Variants in METTL5 observed in about 807,000 individuals in gnomAD.
METTL5 encodes rRNA N(6)-adenosine-methyltransferase METTL5.
A neutral mutation model predicts 26.5 loss-of-function variants in METTL5; 28 were observed. The observed-to-expected ratio is 1.06, with a 90% CI of 0.78 to 1.45. The LOEUF (loss-of-function observed/expected upper bound fraction) is 1.45, where lower values mean the gene tolerates loss of function less well. Among genes scored for constraint, METTL5 ranks in the 40% most tolerant of loss-of-function variants. The pLI is 0.00. For missense variants in METTL5, 231 were observed against 249.9 expected (o/e 0.92, Z 0.51); for synonymous variants, 86 against 82.6 (o/e 1.04, Z -0.22).
chr2:169,822,084 G>A (rs1573973625), intron 1 of METTL5, 27 bp from the exon 2 acceptor site: 2 of 1,430,252 alleles, frequency 1.4e-6, no homozygotes, highest in South Asian at 1.3e-5. Context: ...AAAAGAATAA[G>A]TAAGCAAGCC....
intron 1 of METTL5, among the ~76,000 whole-genome samples, chr2:169,823,885 T>C (rs1395777158): frequency 1.3e-5 from 2 of 152,204 alleles, no homozygotes; most frequent in Non-Finnish European, 2.9e-5. Context: ...AACATAAATA[T>C]ATGTTGTCCT....
intron 6 of METTL5, 109 bp from the exon 7 acceptor site, chr2:169,811,967 T>C: frequency 7.9e-7 from 1 of 1,267,270 alleles, no homozygotes; most frequent in Non-Finnish European, 1.1e-6. Flanking sequence ...GATTCAAATA[T>C]CAAAAGGAAG....
At chr2:169,819,195 C>G (rs1259188756) in intron 4 of METTL5, among the ~76,000 whole-genome samples, 1 of 152,192 alleles carries the variant, frequency 6.6e-6, no homozygotes, top group Non-Finnish European at 1.5e-5. Flanking sequence ...GAAAACCTGG[C>G]CTTACTGCCT....
intron 3 of METTL5, among the ~76,000 whole-genome samples, chr2:169,820,371 T>G (rs1186274394): frequency 6.6e-6 from 1 of 152,248 alleles, no homozygotes; most frequent in Non-Finnish European, 1.5e-5. Context: ...GTAGAAACCC[T>G]TGGGTCTGTT....
chr2:169,820,440 C>T (rs2081568750), intron 3 of METTL5, among the ~76,000 whole-genome samples: 1 of 152,162 alleles, frequency 6.6e-6, no homozygotes, highest in South Asian at 2.1e-4. Flanking sequence ...CGTATTCATT[C>T]ATAAGGGTTA....
intron 3 of METTL5, among the ~76,000 whole-genome samples, chr2:169,820,345 T>G (rs998724460): frequency 2.0e-5 from 3 of 152,220 alleles, no homozygotes; most frequent in African/African-American, 7.2e-5. Flanking sequence ...TGAGTCACTG[T>G]TACTGATGGG....
intron 4 of METTL5, among the ~76,000 whole-genome samples, chr2:169,819,165 G>C (rs1190386594): frequency 1.3e-5 from 2 of 152,126 alleles, no homozygotes; most frequent in African/African-American, 4.8e-5. Flanking sequence ...GATCTGTTTA[G>C]CTCCAGGCTC....
At chr2:169,817,707 T>G (rs1240260540) in intron 4 of METTL5, among the ~76,000 whole-genome samples, 2 of 130,964 alleles carry the variant, frequency 1.5e-5, no homozygotes, top group African/African-American at 3.0e-5. Context: ...TAAGTGGGAG[T>G]TGAACAACGA....
chr2:169,819,678 CT>C (rs2081557911), intron 3 of METTL5, 35 bp from the exon 4 acceptor site: 1 of 1,391,566 alleles, frequency 7.2e-7, no homozygotes, highest in Non-Finnish European at 1.0e-6. Context: ...CTATTTACCT[CT>C]TCTCAAAACA....
chr2:169,821,396 G>T, intron 2 of METTL5, 123 bp from the exon 3 acceptor site: 1 of 688,216 alleles, frequency 1.5e-6, no homozygotes, highest in Non-Finnish European at 2.4e-6. Context: ...AAGTAAGAGT[G>T]AGTGTTTTCT....
At chr2:169,821,634 C>T (rs930493962) in intron 2 of METTL5, among the ~76,000 whole-genome samples, 1 of 152,178 alleles carries the variant, frequency 6.6e-6, no homozygotes, top group African/African-American at 2.4e-5. Context: ...AATCTGTCCA[C>T]CTTGGCCTCC....
chr2:169,812,275 T>A (rs937214520), intron 6 of METTL5, 182 bp downstream of exon 6: 7 of 932,518 alleles, frequency 7.5e-6, no homozygotes, highest in Non-Finnish European at 1.2e-5. Flanking sequence ...AGTCTCACTC[T>A]TATCGCGCAG....
At chr2:169,811,915 A>C (rs1573964552) in intron 6 of METTL5, 57 bp from the exon 7 acceptor site, 2 of 1,562,306 alleles carry the variant, frequency 1.3e-6, no homozygotes, top group African/African-American at 2.7e-5. Flanking sequence ...TATGCAAATG[A>C]GATTTCTTTG....
At chr2:169,824,232 G>T in intron 1 of METTL5, 1 of 359,922 alleles carries the variant, frequency 2.8e-6, no homozygotes, top group Non-Finnish European at 5.1e-6. Context: ...AATGTGAGAA[G>T]AGAAAAAAAC....
Position 169,821,977 on chromosome 2 carries a change from C to T in METTL5, c.190G>A (p.Val64Ile), listed in dbSNP as rs1387057357. 2.5e-6 allele frequency: 4 copies of T among 1,613,458 alleles called. No individual in the cohort carries two copies. The highest frequency in any genetic ancestry group is 3.4e-6 in the Non-Finnish European group (4 of 1,179,998). The change falls in exon 2 of 7, where the codon GTA becomes ATA. Residue 64 changes from valine (V) to isoleucine (I), a missense_variant. Val to Ile is a conservative substitution (Grantham distance 29). Transcript: ENST00000260953. Reference protein sequence around the residue: ...VVADLGCGCGVLSIGTAMLGA... With the variant: ...VVADLGCGCGILSIGTAMLGA... ...AACATTGCAGTTCCGATGCTAAGTA[C>T]TCCACAACCACATCCTAGATCTGCA...
Position 169,822,073 on chromosome 2 carries a change from A to C in METTL5, c.110-16T>G. The C allele has an allele frequency of 1.9e-6, 3 of 1,581,546 alleles. No homozygotes were observed. The highest frequency in any genetic ancestry group is 2.6e-6 in the Non-Finnish European group (3 of 1,173,106). On this transcript the variant is annotated splice_polypyrimidine_tract_variant and intron_variant, in intron 1 of 6. Coordinates refer to ENST00000260953, the MANE Select transcript of METTL5 (RefSeq NM_014168.4). ...AGCATACATGCTAAAAAATAAAAAA[A>C]AAAAGAATAAGTAAGCAAGCCGGTG...
chr2:169,824,620 T>A lies in METTL5; in HGVS notation c.-23A>T, dbSNP rs775363523. 2 of 1,569,486 alleles carry A rather than the reference T, an allele frequency of 1.3e-6. No homozygotes were observed. Among genetic ancestry groups the A allele is most frequent in the Non-Finnish European group, 1.8e-6 (2 of 1,139,192 alleles). ...CATTTTGTTTTAAAGTATGGACTCG[T>A]AGGGTTTGAAGGCACAGGATCTGCG... On this transcript the variant is annotated 5_prime_UTR_variant, in exon 1 of 7. Coordinates refer to ENST00000260953, the MANE Select transcript of METTL5 (RefSeq NM_014168.4).
At chr2:169,814,596 A>G (rs1344912165) in intron 5 of METTL5, among the ~76,000 whole-genome samples, 7 of 116,558 alleles carry the variant, frequency 6.0e-5, no homozygotes, top group African/African-American at 1.9e-4. Context: ...TTTTTTTGAG[A>G]TGGAATCTCA....
chr2:169,819,670 AT>A, intron 3 of METTL5, 27 bp from the exon 4 acceptor site: 1 of 1,488,064 alleles, frequency 6.7e-7, no homozygotes, highest in South Asian at 1.2e-5. Flanking sequence ...AAAAGCTCCT[AT>A]TTACCTCTTC....
Sources: allele counts gnomAD v4.1 joint callset (sites outside exome capture counted in the v4.1 genomes callset), GRCh38; gene constraint gnomAD v4.1.1; transcripts MANE v1.5; gene names NCBI Gene and HGNC (gene_info 2026-07-23, HGNC 2026-07-21).